Variants in DLGAP1 observed in about 807,000 individuals in gnomAD.
DLGAP1 encodes DLG associated protein 1, also known as disks large-associated protein 1.
In DLGAP1, 11 loss-of-function variants were observed where a neutral mutation model predicts 90.8. That is an observed-to-expected ratio of 0.12 (90% CI 0.08 to 0.20). The LOEUF (loss-of-function observed/expected upper bound fraction) is 0.20, where lower values mean the gene tolerates loss of function less well. DLGAP1 is among the 10% of genes least tolerant of loss of function. DLGAP1 has a pLI of 1.00. For missense variants in DLGAP1, 1,050 were observed against 1,333.8 expected (o/e 0.79, Z 3.31); for synonymous variants, 558 against 540.7 (o/e 1.03, Z -0.44).
chr18:4,423,221 G>C (rs2083080532), intron 1 of DLGAP1, among the ~76,000 whole-genome samples: 1 of 152,008 alleles, frequency 6.6e-6, no homozygotes. Flanking sequence ...CTGGAAAATG[G>C]ATTAATCAAA....
intron 3 of DLGAP1, among the ~76,000 whole-genome samples, chr18:4,001,146 C>G (rs1226710861): frequency 6.6e-6 from 1 of 151,198 alleles, no homozygotes. Flanking sequence ...TCTTAAGGAA[C>G]TTTCTGCAGT....
intron 1 of DLGAP1, among the ~76,000 whole-genome samples, chr18:4,239,089 G>A (rs923574635): frequency 6.6e-6 from 1 of 152,198 alleles, no homozygotes; most frequent in African/African-American, 2.4e-5. Context: ...CAACTTCAGA[G>A]AGTGCTGTTG....
At position 4,403,133 on chromosome 18, in the gene DLGAP1, C is replaced by T. The variant is rs138011966; in HGVS notation, c.-267+51873G>A. ...ATTAGTTCTGATTTAGAAATGTTGG[C>T]AAAATTTAAAGTTGATATGTTATAG... is the stretch of plus-strand genomic sequence containing the variant. On this transcript the variant is annotated intron_variant, in intron 1 of 12. Transcript: ENST00000315677. Among the ~76,000 whole-genome samples, 488 of 152,150 alleles carry T rather than the reference C, an allele frequency of 3.2e-3. 4 individuals carry two copies. Among genetic ancestry groups the T allele is most frequent in the African/African-American group, 0.011 (462 of 41,502 alleles).
At chr18:3,608,753 A>C (rs1322980382) in intron 7 of DLGAP1, among the ~76,000 whole-genome samples, 1 of 152,234 alleles carries the variant, frequency 6.6e-6, no homozygotes, top group Non-Finnish European at 1.5e-5. Context: ...AGGAACAGAC[A>C]GCTCTTGCCC....
rs149811964 is a variant in DLGAP1 at position 3,708,802 on chromosome 18, C to G, written c.1591+20333G>C. Among the ~76,000 whole-genome samples the G allele has an allele frequency of 6.6e-3, 1,004 of 152,322 alleles. 8 individuals are homozygous for G. The highest frequency in any genetic ancestry group is 8.4e-3 in the Non-Finnish European group (572 of 68,024). On this transcript the variant is annotated intron_variant, in intron 7 of 12. Coordinates refer to ENST00000315677, the MANE Select transcript of DLGAP1 (RefSeq NM_004746.4). ...GTACTTGACAGTACGCGTAAAGAGA[C>G]TCCTCATTGTGACTCAGATATGACT...
chr18:4,030,868 A>G (rs1028824212), intron 2 of DLGAP1, among the ~76,000 whole-genome samples: 2 of 152,202 alleles, frequency 1.3e-5, no homozygotes, highest in African/African-American at 4.8e-5. Flanking sequence ...GGTTGCAATG[A>G]GCTGTGATTG....
At chr18:3,803,523 C>T (rs1259955802) in intron 5 of DLGAP1, among the ~76,000 whole-genome samples, 4 of 152,144 alleles carry the variant, frequency 2.6e-5, no homozygotes, top group South Asian at 2.1e-4. Flanking sequence ...GGATCTGTTC[C>T]GAGAGCTCTC....
chr18:4,198,370 T>C (rs2077541490), intron 1 of DLGAP1, among the ~76,000 whole-genome samples: 1 of 152,202 alleles, frequency 6.6e-6, no homozygotes. Context: ...AATAAGGGTT[T>C]TGTCAATGAA....
intron 4 of DLGAP1, chr18:3,874,833 A>C (rs1384706668): frequency 1.4e-5 from 18 of 1,313,946 alleles, no homozygotes; most frequent in Non-Finnish European, 1.8e-5. Flanking sequence ...TTTTTTTATT[A>C]ACTGCAGACA....
chr18:3,543,049 C>A (rs148709828), intron 9 of DLGAP1, among the ~76,000 whole-genome samples: 2 of 152,036 alleles, frequency 1.3e-5, no homozygotes, highest in Non-Finnish European at 2.9e-5. Flanking sequence ...AGAACTTACA[C>A]CAAAAAATGT....
chr18:4,407,891 T>TAAATAAATAA (rs1567898036), intron 1 of DLGAP1, among the ~76,000 whole-genome samples: 2 of 42,166 alleles, frequency 4.7e-5, no homozygotes, highest in Non-Finnish European at 9.9e-5. Context: ...TAAATAAATA[T>TAAATAAATAA]ATAAATAAAT....
intron 1 of DLGAP1, among the ~76,000 whole-genome samples, chr18:4,192,187 A>G (rs1045139276): frequency 2.6e-5 from 4 of 152,176 alleles, no homozygotes; most frequent in African/African-American, 9.7e-5. Context: ...ATTTCTCATG[A>G]TACCTCTCCT....
chr18:4,306,033 TACACACACACAC>T (rs3041181), intron 1 of DLGAP1, among the ~76,000 whole-genome samples: 98,173 of 142,088 alleles, frequency 0.69, 36,398 homozygotes, highest in East Asian at 0.92. Context: ...CACACACAAA[TACACACACACAC>T]ACACACACAC....
chr18:4,223,694 A>G (rs1256578797), intron 1 of DLGAP1, among the ~76,000 whole-genome samples: 1 of 152,190 alleles, frequency 6.6e-6, no homozygotes, highest in Non-Finnish European at 1.5e-5. Context: ...CTAAATGTTT[A>G]TATTTCCTTG....
intron 1 of DLGAP1, among the ~76,000 whole-genome samples, chr18:4,422,814 G>C (rs1298480989): frequency 6.6e-6 from 1 of 151,960 alleles, no homozygotes; most frequent in African/African-American, 2.4e-5. Flanking sequence ...TTAAGAAAAA[G>C]CGAGCCTACA....
chr18:4,267,209 C>T (rs75406911), intron 1 of DLGAP1, among the ~76,000 whole-genome samples: 1 of 118,016 alleles, frequency 8.5e-6, no homozygotes, highest in Admixed American at 7.6e-5. Context: ...TATCTATCTA[C>T]CTATCTAATG....
chr18:4,429,349 C>T lies in DLGAP1; in HGVS notation c.-267+25657G>A, dbSNP rs11875271. 4.1e-3 allele frequency among the ~76,000 whole-genome samples: 619 copies of T among 152,226 alleles called. 3 individuals are homozygous for T. Among genetic ancestry groups the T allele is most frequent in the African/African-American group, 0.014 (597 of 41,548 alleles). ...CTTGGAAGGTGTGAAAATACCCAGC[C>T]AATAACAAAAGCATTACAGATTTTC... On this transcript the variant is annotated intron_variant, in intron 1 of 12. Transcript: ENST00000315677.
chr18:3,882,431 GGGAGA>G (rs2071198224), intron 3 of DLGAP1, among the ~76,000 whole-genome samples: 1 of 151,780 alleles, frequency 6.6e-6, no homozygotes, highest in Admixed American at 6.6e-5. Context: ...TACTCAAGTG[GGGAGA>G]GGATTGCTTG....
chr18:3,858,534 A>G (rs1370043595), intron 4 of DLGAP1, among the ~76,000 whole-genome samples: 1 of 148,016 alleles, frequency 6.8e-6, no homozygotes, highest in Non-Finnish European at 1.5e-5. Flanking sequence ...ATATGCACAC[A>G]CACACACACA....
Sources: allele counts gnomAD v4.1 joint callset (sites outside exome capture counted in the v4.1 genomes callset), GRCh38; gene constraint gnomAD v4.1.1; transcripts MANE v1.5; gene names NCBI Gene and HGNC (gene_info 2026-07-23, HGNC 2026-07-21).